CALN1: variants seen among roughly 807,000 people sequenced by gnomAD.
CALN1 encodes the protein calneuron 1.
CALN1 carries 17 observed loss-of-function variants against 30.6 expected under a neutral mutation model. The ratio of observed to expected loss-of-function variants is 0.56; its 90% CI spans 0.38 to 0.83. The LOEUF (loss-of-function observed/expected upper bound fraction) is 0.83, where lower values mean the gene tolerates loss of function less well. Among genes scored for constraint, CALN1 ranks in the 40% least tolerant of loss-of-function variants. The pLI is 0.00. For missense variants in CALN1, 291 were observed against 354.9 expected, an observed-to-expected ratio of 0.82 and a Z score of 1.45; for synonymous variants, 156 against 131.4, an observed-to-expected ratio of 1.19 and a Z score of -1.28.
rs545354651 is a variant in CALN1 at position 71,959,051 on chromosome 7, C to A, written c.501+64606G>T. Among the ~76,000 whole-genome samples, 6 of 152,292 alleles carry A rather than the reference C, an allele frequency of 3.9e-5. No homozygotes were observed. In the South Asian group the frequency reaches 1.2e-3, roughly 32 times the overall value. Reference sequence around the variant, plus strand: ...AGTTATAAAAGATAGGCATAGGCTGCTCAATTAAAGCAAGGATGTTCTGGA... The same window carrying A: ...AGTTATAAAAGATAGGCATAGGCTGATCAATTAAAGCAAGGATGTTCTGGA... On this transcript the variant is annotated intron_variant, in intron 5 of 6. Transcript: ENST00000395275.
chr7:72,314,621 T>C (rs1307887291), intron 2 of CALN1, among the ~76,000 whole-genome samples: 1 of 151,382 alleles, frequency 6.6e-6, no homozygotes, highest in Non-Finnish European at 1.5e-5. Flanking sequence ...GGTTTCACCA[T>C]ATTGGCCAGG....
At chr7:72,075,257 C>T (rs188908251) in intron 4 of CALN1, among the ~76,000 whole-genome samples, 2 of 152,352 alleles carry the variant, frequency 1.3e-5, no homozygotes, top group East Asian at 3.9e-4. Context: ...ACCTATTTAA[C>T]TGTTAATCTC....
chr7:72,382,564 G>A (rs980281380), intron 2 of CALN1, among the ~76,000 whole-genome samples: 26 of 152,132 alleles, frequency 1.7e-4, no homozygotes, highest in Non-Finnish European at 2.5e-4. Flanking sequence ...CATCACCCAC[G>A]TAGTGAGCAT....
chr7:72,204,654 G>A (rs1791698068), intron 3 of CALN1, among the ~76,000 whole-genome samples: 1 of 152,064 alleles, frequency 6.6e-6, no homozygotes, highest in Admixed American at 6.6e-5. Flanking sequence ...TTCCTCATGA[G>A]CATAATGGGA....
At chr7:72,374,649 C>A (rs1235519474) in intron 2 of CALN1, among the ~76,000 whole-genome samples, 1 of 151,834 alleles carries the variant, frequency 6.6e-6, no homozygotes, top group Non-Finnish European at 1.5e-5. Flanking sequence ...TTAGAGCTAG[C>A]ATCATTTTAA....
At chr7:72,092,650 A>G (rs999265508) in intron 4 of CALN1, among the ~76,000 whole-genome samples, 1 of 140,340 alleles carries the variant, frequency 7.1e-6, no homozygotes, top group African/African-American at 2.6e-5. Flanking sequence ...AAAAAAAAAA[A>G]GGAGAAGCCT....
rs562134436 is a variant in CALN1 at position 71,974,645 on chromosome 7, G to A, written c.501+49012C>T. ...TGACAATCTGTGATCTGGATGAATT[G>A]ACAAGCATTAAGTGGGCAGGTATTG... On this transcript the variant is annotated intron_variant, in intron 5 of 6. Coordinates refer to ENST00000395275, the MANE Select transcript of CALN1 (RefSeq NM_031468.4). Among the ~76,000 whole-genome samples, 15 of 152,148 alleles carry A rather than the reference G, an allele frequency of 9.9e-5. No individual in the cohort carries two copies. In the East Asian group the frequency reaches 2.9e-3, roughly 30 times the overall value.
intron 4 of CALN1, among the ~76,000 whole-genome samples, chr7:72,067,977 T>TA (rs1279597442): frequency 6.6e-6 from 1 of 152,278 alleles, no homozygotes; most frequent in Non-Finnish European, 1.5e-5. Context: ...CTTTGTATCT[T>TA]AGTCATTATT....
At chr7:72,273,294 T>C (rs1403989550) in intron 3 of CALN1, among the ~76,000 whole-genome samples, 1 of 151,564 alleles carries the variant, frequency 6.6e-6, no homozygotes, top group Non-Finnish European at 1.5e-5. Flanking sequence ...TGGTGGTGCA[T>C]GCCCATAATC....
chr7:72,367,670 A>C (rs964980484), intron 2 of CALN1, among the ~76,000 whole-genome samples: 1 of 152,006 alleles, frequency 6.6e-6, no homozygotes, highest in Non-Finnish European at 1.5e-5. Flanking sequence ...TCTACAAATA[A>C]AAATAAAAAT....
At chr7:71,951,320 A>C (rs183359568) in intron 5 of CALN1, among the ~76,000 whole-genome samples, 1 of 152,148 alleles carries the variant, frequency 6.6e-6, no homozygotes, top group Non-Finnish European at 1.5e-5. Flanking sequence ...GGCCGGGCGC[A>C]TGGCTCATGC....
intron 4 of CALN1, among the ~76,000 whole-genome samples, chr7:72,079,844 C>T (rs934484474): frequency 2.0e-5 from 3 of 146,462 alleles, no homozygotes. Context: ...GATCTCGGCT[C>T]ACTGCAGCCT....
intron 3 of CALN1, among the ~76,000 whole-genome samples, chr7:72,124,249 G>A (rs1160388725): frequency 6.6e-6 from 1 of 152,038 alleles, no homozygotes; most frequent in African/African-American, 2.4e-5. Context: ...GGAGAAAACA[G>A]GAAGTACTCA....
At position 71,796,072 on chromosome 7, in the gene CALN1, G is replaced by A. The variant is rs949946124; in HGVS notation, c.659-8170C>T. Among the ~76,000 whole-genome samples the A allele has an allele frequency of 5.3e-4, 80 of 151,524 alleles. 1 individual carries two copies. Among genetic ancestry groups the A allele is most frequent in the Admixed American group, 3.9e-4 (6 of 15,198 alleles). On this transcript the variant is annotated intron_variant, in intron 6 of 6. Coordinates refer to ENST00000395275, the MANE Select transcript of CALN1 (RefSeq NM_031468.4). The stretch of plus-strand genomic sequence containing the variant: ...AATCTCCTGACCTCGTGATCCACCC[G>A]CCTTGGCCTCCCAAAGTGCTGGGAT...
chr7:71,796,190 T>C (rs1382866655), intron 6 of CALN1, among the ~76,000 whole-genome samples: 2 of 152,066 alleles, frequency 1.3e-5, no homozygotes, highest in African/African-American at 4.8e-5. Context: ...TGTTTATCCA[T>C]TCGTAAGCTA....
chr7:72,306,486 A>G (rs1173259739), intron 2 of CALN1, among the ~76,000 whole-genome samples: 3 of 152,012 alleles, frequency 2.0e-5, no homozygotes, highest in African/African-American at 7.2e-5. Flanking sequence ...AACTCAACCA[A>G]TTGTCAATCA....
chr7:72,007,371 C>A (rs1351508730), intron 5 of CALN1, among the ~76,000 whole-genome samples: 2 of 152,260 alleles, frequency 1.3e-5, no homozygotes, highest in Admixed American at 6.5e-5. Context: ...CATGGAGAAA[C>A]CCTGTCTCTA....
At chr7:72,007,363 T>C (rs1421848249) in intron 5 of CALN1, among the ~76,000 whole-genome samples, 1 of 152,158 alleles carries the variant, frequency 6.6e-6, no homozygotes, top group Admixed American at 6.5e-5. Flanking sequence ...CTGGCAAACA[T>C]GGAGAAACCC....
chr7:72,033,972 A>G (rs1801619850), intron 4 of CALN1, among the ~76,000 whole-genome samples: 1 of 152,148 alleles, frequency 6.6e-6, no homozygotes, highest in Non-Finnish European at 1.5e-5. Context: ...GATGGAACTA[A>G]CGAGACATGG....
Sources: allele counts gnomAD v4.1 joint callset (sites outside exome capture counted in the v4.1 genomes callset), GRCh38; gene constraint gnomAD v4.1.1; transcripts MANE v1.5; gene names NCBI Gene and HGNC (gene_info 2026-07-23, HGNC 2026-07-21).